The following NELL2 variants were observed in gnomAD, a reference collection of about 807,000 sequenced individuals.
The protein encoded by NELL2 is neural EGFL like 2.
In NELL2, 41 loss-of-function variants were observed where a neutral mutation model predicts 109.6. That is an observed-to-expected ratio of 0.37 (90% CI 0.29 to 0.49). The LOEUF (loss-of-function observed/expected upper bound fraction) is 0.49. NELL2 is among the 20% of genes least tolerant of loss of function. The pLI, the probability that NELL2 is intolerant of heterozygous loss-of-function variation, is 0.98. For missense variants in NELL2, 900 were observed against 1,008.3 expected (o/e 0.89, Z 1.45); for synonymous variants, 355 against 344.7 (o/e 1.03, Z -0.33).
rs535432225 is a variant in NELL2 at position 44,629,584 on chromosome 12, CA to C, written c.1445-18615del. On this transcript the variant is annotated intron_variant, in intron 13 of 19. Coordinates refer to ENST00000429094, the MANE Select transcript of NELL2 (RefSeq NM_001145108.2). ...GTCTTCATGGATAGACTCCATATTT[CA>C]GAGACAGATCGGGCACATACAATGA... is the stretch of plus-strand genomic sequence containing the variant. Among the ~76,000 whole-genome samples, 310 of 152,250 alleles carry C rather than the reference CA, an allele frequency of 2.0e-3. 2 individuals are homozygous for C. Among genetic ancestry groups the C allele is most frequent in the Non-Finnish European group, 2.8e-3 (188 of 68,004 alleles).
At chr12:44,748,089 A>G (rs969156120) in intron 9 of NELL2, among the ~76,000 whole-genome samples, 3 of 152,164 alleles carry the variant, frequency 2.0e-5, no homozygotes, top group Admixed American at 1.3e-4. Flanking sequence ...CATCCCCTAC[A>G]AAGTGTGGAC....
upstream of NELL2, chr12:44,876,645 A>G (rs964213056): frequency 3.2e-6 from 5 of 1,550,944 alleles, no homozygotes; most frequent in Admixed American, 2.0e-5. Flanking sequence ...GACAGGAGAG[A>G]AAAAAGACCA....
intron 1 of NELL2, among the ~76,000 whole-genome samples, chr12:44,890,586 T>C (rs1296638268): frequency 1.3e-5 from 2 of 152,112 alleles, no homozygotes; most frequent in African/African-American, 4.8e-5. Flanking sequence ...CTTAATCTAG[T>C]GAATTCCAGG....
rs1381544194 is a variant in NELL2 at position 44,875,292 on chromosome 12, C to T, written c.117G>A (p.Gly39=). Residue 39 remains glycine (G), a synonymous_variant, in exon 2 of 20, where the codon GGG becomes GGA. Coordinates refer to ENST00000429094, the MANE Select transcript of NELL2 (RefSeq NM_001145108.2). ...QIDVLTELEL[G]ESTTGVRQVP... ...CCTGACGCACTCCGGTCGTGGACTC[C>T]CCAAGTTCTAACTCTGTTAAGACGT... 1.2e-6 allele frequency: 2 copies of T among 1,614,104 alleles called. No individual in the cohort carries two copies. The highest frequency in any genetic ancestry group is 1.7e-6 in the Non-Finnish European group (2 of 1,180,022).
chr12:44,912,182 T>C (rs1480961427), intron 1 of NELL2, among the ~76,000 whole-genome samples: 1 of 151,852 alleles, frequency 6.6e-6, no homozygotes, highest in Non-Finnish European at 1.5e-5. Flanking sequence ...GAAAGAGATG[T>C]AGTTTATGAG....
chr12:44,792,142 T>TA (rs1371588649), intron 3 of NELL2, among the ~76,000 whole-genome samples: 4 of 152,182 alleles, frequency 2.6e-5, no homozygotes, highest in Non-Finnish European at 5.9e-5. Context: ...GATGAAGAAT[T>TA]AATCTCTGGA....
upstream of NELL2, chr12:44,876,644 GA>G (rs1288553925): frequency 3.2e-6 from 5 of 1,551,248 alleles, no homozygotes; most frequent in Non-Finnish European, 4.4e-6. Flanking sequence ...AGACAGGAGA[GA>G]AAAAAGACCA....
At chr12:44,870,330 C>A (rs1402564038) in intron 2 of NELL2, among the ~76,000 whole-genome samples, 1 of 152,124 alleles carries the variant, frequency 6.6e-6, no homozygotes, top group Non-Finnish European at 1.5e-5. Flanking sequence ...TATCATGCTC[C>A]TAAAAATTCA....
At chr12:44,605,450 T>C (rs932737378) in intron 15 of NELL2, among the ~76,000 whole-genome samples, 9 of 152,182 alleles carry the variant, frequency 5.9e-5, no homozygotes, top group African/African-American at 1.7e-4. Context: ...CAGACAGCTA[T>C]TTAGAATCAG....
In NELL2 at chr12:44,848,469, C is replaced by T. The variant is rs111952171; in HGVS notation, c.184+26756G>A. Reference sequence around the variant, plus strand: ...GAGCTACAAGTGCCAGCAGAACACACAGCAACAGGTGGGCAAAGGATATCA... The same window carrying T: ...GAGCTACAAGTGCCAGCAGAACACATAGCAACAGGTGGGCAAAGGATATCA... On this transcript the variant is annotated intron_variant, in intron 2 of 19. Transcript: ENST00000429094. Among the ~76,000 whole-genome samples the T allele has an allele frequency of 1.5e-3, 235 of 152,226 alleles. 1 individual carries two copies. Among genetic ancestry groups the T allele is most frequent in the African/African-American group, 5.4e-3 (223 of 41,532 alleles).
intron 13 of NELL2, among the ~76,000 whole-genome samples, chr12:44,648,731 A>ATATT (rs1438490674): frequency 2.8e-4 from 25 of 89,696 alleles, no homozygotes; most frequent in Non-Finnish European, 4.6e-4. Flanking sequence ...ATATATATAT[A>ATATT]TTTTTTTTTT....
intron 9 of NELL2, among the ~76,000 whole-genome samples, chr12:44,726,150 A>C (rs1462149896): frequency 6.6e-6 from 1 of 152,218 alleles, no homozygotes; most frequent in African/African-American, 2.4e-5. Flanking sequence ...GTAGATATAC[A>C]CACATAAAAC....
intron 9 of NELL2, among the ~76,000 whole-genome samples, chr12:44,733,076 G>A (rs565759517): frequency 1.3e-4 from 20 of 152,104 alleles, no homozygotes; most frequent in South Asian, 4.2e-4. Flanking sequence ...ACAAGTGTTG[G>A]CAAGGATGTA....
At chr12:44,528,868 A>T (rs1223361770) in intron 16 of NELL2, among the ~76,000 whole-genome samples, 24 of 152,216 alleles carry the variant, frequency 1.6e-4, no homozygotes. Flanking sequence ...CCATGCAAAG[A>T]TCTAGGGGAA....
intron 9 of NELL2, among the ~76,000 whole-genome samples, chr12:44,738,791 G>A (rs923468516): frequency 7.2e-5 from 11 of 152,136 alleles, no homozygotes; most frequent in Non-Finnish European, 1.0e-4. Flanking sequence ...TACTTGAAAC[G>A]TGCTAAGAAA....
chr12:44,791,080 TAC>T (rs199949841), intron 3 of NELL2, among the ~76,000 whole-genome samples: 13,094 of 30,594 alleles, frequency 0.43, 2,324 homozygotes, highest in South Asian at 0.6. Flanking sequence ...TATATATATA[TAC>T]ATATATATAT....
intron 12 of NELL2, among the ~76,000 whole-genome samples, chr12:44,674,395 TC>T (rs1445731873): frequency 6.6e-6 from 1 of 152,106 alleles, no homozygotes; most frequent in Non-Finnish European, 1.5e-5. Flanking sequence ...AGTAGAGATA[TC>T]CAGGGAAAAT....
chr12:44,721,061 C>T (rs686110), intron 9 of NELL2, among the ~76,000 whole-genome samples: 107,262 of 152,102 alleles, frequency 0.71, 38,056 homozygotes, highest in Non-Finnish European at 0.74. Flanking sequence ...AGATCAGCCT[C>T]TAGGTTAGAG....
chr12:44,693,688 A>C (rs1948970554), intron 12 of NELL2, among the ~76,000 whole-genome samples: 1 of 152,332 alleles, frequency 6.6e-6, no homozygotes, highest in Admixed American at 6.5e-5. Context: ...GAGTCTGAGA[A>C]AGTTGAAGCA....
Sources: gnomAD v4.1 joint callset for allele counts (sites outside exome capture counted in the v4.1 genomes callset) on GRCh38, gnomAD v4.1.1 for gene constraint, MANE v1.5 for transcripts, NCBI Gene and HGNC (gene_info 2026-07-23, HGNC 2026-07-21) for gene names.